DACH1: variants seen among roughly 807,000 people sequenced by gnomAD.
DACH1 encodes the protein dachshund homolog 1.
A neutral mutation model predicts 54.2 loss-of-function variants in DACH1; 12 were observed. The ratio of observed to expected loss-of-function variants is 0.22; its 90% CI spans 0.14 to 0.36. DACH1 has a LOEUF of 0.36. DACH1 is among the 10% of genes least tolerant of loss of function. The pLI is 1.00. For missense variants in DACH1, 805 were observed against 929.8 expected, an observed-to-expected ratio of 0.87 and a Z score of 1.75; for synonymous variants, 386 against 366.2, an observed-to-expected ratio of 1.05 and a Z score of -0.62.
intron 1 of DACH1, among the ~76,000 whole-genome samples, chr13:71,729,276 A>G (rs939418889): frequency 1.6e-4 from 25 of 152,066 alleles, no homozygotes; most frequent in African/African-American, 5.8e-4. Flanking sequence ...CTTTAGATTA[A>G]TAATCAGATC....
rs78145746 is a variant in DACH1 at position 71,819,227 on chromosome 13, G to A, written c.848+46695C>T. Among the ~76,000 whole-genome samples, 1,041 of 152,174 alleles carry A rather than the reference G, an allele frequency of 6.8e-3. 7 individuals are homozygous for A. The highest frequency in any genetic ancestry group is 0.022 in the African/African-American group (910 of 41,498). On this transcript the variant is annotated intron_variant, in intron 1 of 10. Transcript: ENST00000613252. ...CATTAAGGCAGCAGGAAGGAAGGAA[G>A]AGAATTAAATGTCCTGACCTCACTC...
intron 2 of DACH1, among the ~76,000 whole-genome samples, chr13:71,631,363 C>G (rs1193436718): frequency 6.6e-6 from 1 of 152,130 alleles, no homozygotes; most frequent in Non-Finnish European, 1.5e-5. Flanking sequence ...TCTTCTCCCC[C>G]TGACCCACGT....
chr13:71,529,580 C>T (rs938832522), intron 6 of DACH1, among the ~76,000 whole-genome samples: 2 of 152,142 alleles, frequency 1.3e-5, no homozygotes, highest in Admixed American at 1.3e-4. Flanking sequence ...TCTATTCTCT[C>T]TCTTGTGCTA....
At chr13:71,815,836 A>G (rs921449175) in intron 1 of DACH1, among the ~76,000 whole-genome samples, 3 of 152,190 alleles carry the variant, frequency 2.0e-5, no homozygotes, top group Admixed American at 2.0e-4. Flanking sequence ...CTGTAATCCC[A>G]GCACTTTGGG....
chr13:71,536,581 C>T (rs1311997563), intron 6 of DACH1, among the ~76,000 whole-genome samples: 1 of 152,106 alleles, frequency 6.6e-6, no homozygotes, highest in East Asian at 1.9e-4. Flanking sequence ...AAGGATTCTA[C>T]ATTTATGGAA....
chr13:71,754,929 T>C (rs555029285), intron 1 of DACH1, among the ~76,000 whole-genome samples: 161 of 152,298 alleles, frequency 1.1e-3, no homozygotes, highest in African/African-American at 3.7e-3. Context: ...TCATTCTGTT[T>C]TTATCCAGGA....
chr13:71,470,995 C>G (rs1280306583), intron 10 of DACH1, among the ~76,000 whole-genome samples: 2 of 152,022 alleles, frequency 1.3e-5, no homozygotes, highest in Non-Finnish European at 2.9e-5. Context: ...GTTGCCACAG[C>G]GGGAGAGTGA....
rs9572764 is a variant in DACH1 at position 71,662,763 on chromosome 13, G to A, written c.964+19032C>T. Reference sequence around the variant, plus strand: ...TTGTGTTGTACAAATGAAGTTTTGAGTTGAATCATACTCTTTTTAAGCCAA... The same window carrying A: ...TTGTGTTGTACAAATGAAGTTTTGAATTGAATCATACTCTTTTTAAGCCAA... On this transcript the variant is annotated intron_variant, in intron 2 of 10. Transcript: ENST00000613252. Among the ~76,000 whole-genome samples the A allele has an allele frequency of 5.3e-4, 81 of 152,018 alleles. No homozygotes were observed. The East Asian group carries it at 0.013, about 24-fold the overall frequency.
chr13:71,774,009 C>T (rs2138043526), intron 1 of DACH1, among the ~76,000 whole-genome samples: 1 of 150,440 alleles, frequency 6.6e-6, no homozygotes, highest in African/African-American at 2.4e-5. Context: ...AGCAACAACA[C>T]CACAAACAAG....
rs1268358305 is a variant in DACH1 at position 71,735,241 on chromosome 13, CGTATATGGGATATACGT to C, written c.849-53348_849-53332del. Among the ~76,000 whole-genome samples the C allele has an allele frequency of 1.4e-4, 20 of 140,700 alleles. 2 individuals are homozygous for C. The highest frequency in any genetic ancestry group is 6.2e-4 in the East Asian group (3 of 4,830). 92.3% of individuals were successfully genotyped at this position (140,700 alleles called of 152,430 possible). On this transcript the variant is annotated intron_variant, in intron 1 of 10. Transcript: ENST00000613252. The stretch of plus-strand genomic sequence containing the variant: ...GATATACATATGTATATGGGATACA[CGTATATGGGATATACGT>C]GTATATGGGATACACGTATGTATAT...
At chr13:71,517,190 C>T (rs1042243658) in intron 6 of DACH1, among the ~76,000 whole-genome samples, 11 of 151,640 alleles carry the variant, frequency 7.3e-5, no homozygotes, top group Non-Finnish European at 1.2e-4. Context: ...ATTTTATGGC[C>T]ACTGTTGGAA....
Position 71,629,340 on chromosome 13 carries a change from C to T in DACH1, c.1126+1216G>A, listed in dbSNP as rs76175047. On this transcript the variant is annotated intron_variant, in intron 3 of 10. Transcript: ENST00000613252. ...ATGTCTTTTCATCCGTCTAGGAACT[C>T]GCACTCACACCTACTCTCCATTCAA... Among the ~76,000 whole-genome samples the T allele has an allele frequency of 5.7e-3, 870 of 152,154 alleles. 9 individuals carry two copies. The highest frequency in any genetic ancestry group is 0.02 in the African/African-American group (820 of 41,532).
intron 6 of DACH1, among the ~76,000 whole-genome samples, chr13:71,496,075 G>C (rs1252487148): frequency 6.6e-6 from 1 of 151,278 alleles, no homozygotes; most frequent in East Asian, 2.0e-4. Flanking sequence ...TCTACTAAAA[G>C]TACAAAAATT....
chr13:71,571,924 A>G (rs896717003), intron 4 of DACH1, among the ~76,000 whole-genome samples: 3 of 151,836 alleles, frequency 2.0e-5, no homozygotes, highest in Non-Finnish European at 1.5e-5. Context: ...TTTGATAGAT[A>G]CGGGGTTTCA....
intron 3 of DACH1, among the ~76,000 whole-genome samples, chr13:71,579,290 C>T (rs1380627561): frequency 2.0e-5 from 3 of 152,124 alleles, no homozygotes; most frequent in East Asian, 1.9e-4. Context: ...ATTGGTATTG[C>T]CCTATATACT....
chr13:71,573,171 G>C (rs547153669), intron 3 of DACH1, among the ~76,000 whole-genome samples, 159 bp from the exon 4 acceptor site: 1 of 152,092 alleles, frequency 6.6e-6, no homozygotes, highest in South Asian at 2.1e-4. Context: ...CAGGCTTACA[G>C]CTATCTGGTT....
chr13:71,816,678 A>G (rs1339620407), intron 1 of DACH1, among the ~76,000 whole-genome samples: 18 of 133,908 alleles, frequency 1.3e-4, no homozygotes, highest in African/African-American at 2.8e-4. Flanking sequence ...ATATACACAC[A>G]TATATATATA....
intron 6 of DACH1, among the ~76,000 whole-genome samples, chr13:71,528,681 G>A (rs919794107): frequency 8.6e-5 from 13 of 151,748 alleles, no homozygotes; most frequent in African/African-American, 2.9e-4. Flanking sequence ...CCACCGGGCC[G>A]GAAAAACAGA....
chr13:71,478,656 G>T (rs906963460), intron 8 of DACH1, among the ~76,000 whole-genome samples: 2 of 152,132 alleles, frequency 1.3e-5, no homozygotes, highest in South Asian at 2.1e-4. Context: ...ACTTGACCTT[G>T]TTGGATGAAA....
Sources: gnomAD v4.1 joint callset for allele counts (sites outside exome capture counted in the v4.1 genomes callset) on GRCh38, gnomAD v4.1.1 for gene constraint, MANE v1.5 for transcripts, NCBI Gene and HGNC (gene_info 2026-07-23, HGNC 2026-07-21) for gene names.